FEZ2: variants seen among roughly 807,000 people sequenced by gnomAD.
FEZ2 encodes fasciculation and elongation protein zeta-2.
A neutral mutation model predicts 40.4 loss-of-function variants in FEZ2; 51 were observed. The ratio of observed to expected loss-of-function variants is 1.26; its 90% CI spans 1.01 to 1.59. The LOEUF (loss-of-function observed/expected upper bound fraction) is 1.59, where lower values mean the gene tolerates loss of function less well. Ranked by LOEUF, FEZ2 falls within the 40% of genes most tolerant of loss-of-function variation. The pLI, the probability that FEZ2 is intolerant of heterozygous loss-of-function variation, is 0.00. For synonymous variants in FEZ2, 242 were observed against 172.0 expected (o/e 1.41, Z -3.18); for missense variants, 640 against 438.3 (o/e 1.46, Z -4.11).
At chr2:36,558,710 T>G (rs764285592) in intron 5 of FEZ2, 197 bp from the exon 6 acceptor site, 17 of 379,260 alleles carry the variant, frequency 4.5e-5, no homozygotes, top group Non-Finnish European at 7.6e-5. Flanking sequence ...CACCTCTATT[T>G]GCTTCATACA....
intron 3 of FEZ2, among the ~76,000 whole-genome samples, chr2:36,582,188 A>G (rs886501614): frequency 6.6e-6 from 1 of 151,842 alleles, no homozygotes; most frequent in African/African-American, 2.4e-5. Context: ...AAGGAAACCC[A>G]GGAAAATTAC....
chr2:36,568,395 GTTTAA>G (rs1354278571), intron 5 of FEZ2, among the ~76,000 whole-genome samples: 2 of 152,180 alleles, frequency 1.3e-5, no homozygotes, highest in African/African-American at 2.4e-5. Flanking sequence ...ATTTGTTACA[GTTTAA>G]TTTAAATAAC....
intron 5 of FEZ2, among the ~76,000 whole-genome samples, chr2:36,574,279 G>T (rs552502859): frequency 6.6e-6 from 1 of 152,138 alleles, no homozygotes; most frequent in African/African-American, 2.4e-5. Context: ...ATATTCTATT[G>T]TCTTAGACAA....
chr2:36,597,899 G>C lies in FEZ2; in HGVS notation c.244C>G (p.Arg82Gly), dbSNP rs769250174. ...PRTAVRPITE[R>G]SLLQGDEIWN... ...CACTCGTCCCCCTGCAGGAGGCTGC[G>C]CTCCGTGATGGGCCGCACGGCCGTC... Residue 82 changes from arginine to glycine, a missense_variant, in exon 1 of 8, where the codon CGC (arginine) becomes GGC (glycine). Physicochemically the swap from Arg to Gly is moderately radical, Grantham distance 125. Coordinates refer to ENST00000405912, the MANE Select transcript of FEZ2 (RefSeq NM_005102.3). 1.4e-6 allele frequency: 2 copies of C among 1,393,536 alleles called. No individual in the cohort carries two copies. The highest frequency in any genetic ancestry group is 3.1e-5 in the East Asian group (1 of 32,700). The allele number at this position is 1,393,536 out of a possible 1,614,324, so 86.3% of individuals were successfully genotyped here. A position where few individuals can be genotyped will look rare whatever the true frequency, so the allele number is the denominator to read the frequency against.
At chr2:36,579,346 T>C (rs184520113) in intron 4 of FEZ2, among the ~76,000 whole-genome samples, 109 of 152,348 alleles carry the variant, frequency 7.2e-4, no homozygotes, top group African/African-American at 2.2e-3. Context: ...AGTCCTGATC[T>C]GTGAATTTTG....
chr2:36,575,512 G>A (rs1668543614), intron 5 of FEZ2, among the ~76,000 whole-genome samples: 2 of 151,870 alleles, frequency 1.3e-5, no homozygotes, highest in Admixed American at 1.3e-4. Context: ...ACCTGCCACA[G>A]GAAAGCACTC....
chr2:36,569,460 C>G (rs1668344589), intron 5 of FEZ2, among the ~76,000 whole-genome samples: 1 of 152,152 alleles, frequency 6.6e-6, no homozygotes, highest in East Asian at 1.9e-4. Context: ...TGACTAAGCA[C>G]AGAATCAGCA....
At chr2:36,591,107 GAAACAGAGAA>G in intron 1 of FEZ2, 96 bp from the exon 2 acceptor site, 1 of 760,674 alleles carries the variant, frequency 1.3e-6, no homozygotes, top group Non-Finnish European at 2.3e-6. Context: ...AATGTCAAAG[GAAACAGAGAA>G]AAACAGACAG....
chr2:36,597,007 T>A (rs1325003117), intron 1 of FEZ2, among the ~76,000 whole-genome samples: 1 of 152,188 alleles, frequency 6.6e-6, no homozygotes, highest in East Asian at 1.9e-4. Context: ...GTGAACCTCC[T>A]ATCATTGCTC....
chr2:36,565,788 T>C (rs1668219220), intron 5 of FEZ2, among the ~76,000 whole-genome samples: 2 of 152,200 alleles, frequency 1.3e-5, no homozygotes, highest in Admixed American at 6.5e-5. Context: ...AGTCAGATCA[T>C]TCTTGTCACG....
chr2:36,565,127 C>G (rs1668200462), intron 5 of FEZ2, among the ~76,000 whole-genome samples: 1 of 152,142 alleles, frequency 6.6e-6, no homozygotes, highest in African/African-American at 2.4e-5. Context: ...CTTTGGTGTC[C>G]GAAACAATCA....
intron 5 of FEZ2, among the ~76,000 whole-genome samples, chr2:36,567,227 C>T (rs183537428): frequency 1.4e-4 from 22 of 151,728 alleles, no homozygotes; most frequent in Admixed American, 1.2e-3. Context: ...GATCGTTTCA[C>T]CATATCATGA....
chr2:36,597,800 C>G (rs1669274586), intron 1 of FEZ2, 77 bp downstream of exon 1: 1 of 1,008,184 alleles, frequency 9.9e-7, no homozygotes, highest in East Asian at 3.7e-5. Context: ...CAGGGAGGAG[C>G]TGCGGCCGTA....
intron 5 of FEZ2, among the ~76,000 whole-genome samples, chr2:36,560,290 A>C (rs1425184550): frequency 6.6e-6 from 1 of 152,230 alleles, no homozygotes; most frequent in African/African-American, 2.4e-5. Context: ...CTGACTATGC[A>C]ATACACCTTA....
At chr2:36,594,188 G>C (rs1157321734) in intron 1 of FEZ2, among the ~76,000 whole-genome samples, 1 of 152,014 alleles carries the variant, frequency 6.6e-6, no homozygotes. Flanking sequence ...CATTCAACAA[G>C]TCTCTAGGAA....
chr2:36,581,548 A>T, intron 3 of FEZ2, 117 bp from the exon 4 acceptor site: 1 of 848,808 alleles, frequency 1.2e-6, no homozygotes, highest in Non-Finnish European at 1.9e-6. Flanking sequence ...TCCATTAACC[A>T]ATGGTGTTCA....
Position 36,576,858 on chromosome 2 carries a change from G to A in FEZ2, c.903+1739C>T, listed in dbSNP as rs1032423315. On this transcript the variant is annotated intron_variant, in intron 5 of 7. Coordinates refer to ENST00000405912, the MANE Select transcript of FEZ2 (RefSeq NM_005102.3). Reference sequence around the variant, plus strand: ...CCTTTTTACATGGGAGTTACAAAACGAAGCCTTTAAACCCCTCTAGGGATA... The same window carrying A: ...CCTTTTTACATGGGAGTTACAAAACAAAGCCTTTAAACCCCTCTAGGGATA... Among the ~76,000 whole-genome samples, 5 of 152,130 alleles carry A rather than the reference G, an allele frequency of 3.3e-5. No homozygotes were observed. In the East Asian group the frequency reaches 5.8e-4, roughly 18 times the overall value.
Position 36,597,907 on chromosome 2 carries a change from A to G in FEZ2, c.236T>C (p.Ile79Thr). 1 of 1,409,180 alleles carries G rather than the reference A, an allele frequency of 7.1e-7. No individual in the cohort carries two copies. Among genetic ancestry groups the G allele is most frequent in the South Asian group, 1.5e-5 (1 of 66,116 alleles). The allele number at this position is 1,409,180 out of a possible 1,614,324, so 87.3% of individuals were successfully genotyped here. ...AEPPRTAVRPITERSLLQGDE... is the reference protein window; with the variant it reads ...AEPPRTAVRPTTERSLLQGDE... ...CCCCTGCAGGAGGCTGCGCTCCGTG[A>G]TGGGCCGCACGGCCGTCCTCGGGGG... Residue 79 changes from isoleucine to threonine, a missense_variant, in exon 1 of 8, where the codon ATC (isoleucine) becomes ACC (threonine). Physicochemically the swap from Ile to Thr is moderately conservative, Grantham distance 89. Transcript: ENST00000405912.
intron 5 of FEZ2, among the ~76,000 whole-genome samples, chr2:36,573,496 A>T (rs1370987016): frequency 6.6e-6 from 1 of 152,266 alleles, no homozygotes; most frequent in Non-Finnish European, 1.5e-5. Flanking sequence ...ATAATAATTC[A>T]AATACTACAA....
Sources: gnomAD v4.1 joint callset for allele counts (sites outside exome capture counted in the v4.1 genomes callset) on GRCh38, gnomAD v4.1.1 for gene constraint, MANE v1.5 for transcripts, NCBI Gene and HGNC (gene_info 2026-07-23, HGNC 2026-07-21) for gene names.